The following RASGRF2 variants were observed in gnomAD, a reference collection of about 807,000 sequenced individuals.
RASGRF2 encodes Ras protein specific guanine nucleotide releasing factor 2.
A neutral mutation model predicts 151.0 loss-of-function variants in RASGRF2; 76 were observed. That is an observed-to-expected ratio of 0.50 (90% CI 0.42 to 0.61). RASGRF2 has a LOEUF of 0.61. Ranked by LOEUF, RASGRF2 falls within the 20% of genes least tolerant of loss-of-function variation. The pLI is 0.00. For missense variants in RASGRF2, 1,148 were observed against 1,564.6 expected (o/e 0.73, Z 4.49); for synonymous variants, 504 against 566.5 (o/e 0.89, Z 1.57).
In RASGRF2 at chr5:81,206,917, C is replaced by T; in HGVS notation, c.2967+12C>T. 1 of 1,584,638 alleles carries T rather than the reference C, an allele frequency of 6.3e-7. No homozygotes were observed. The highest frequency in any genetic ancestry group is 8.7e-7 in the Non-Finnish European group (1 of 1,153,632). Reference sequence around the variant, plus strand: ...ATATAATTCAAATGGTAAGTCTGACCACATTTTTATCTAGCACAACTATGT... The same window carrying T: ...ATATAATTCAAATGGTAAGTCTGACTACATTTTTATCTAGCACAACTATGT... On this transcript the variant is annotated intron_variant, in intron 20 of 26. Transcript: ENST00000265080.
intron 1 of RASGRF2, among the ~76,000 whole-genome samples, chr5:81,004,867 C>T (rs1357468290): frequency 3.3e-5 from 5 of 152,140 alleles, no homozygotes; most frequent in East Asian, 1.9e-4. Context: ...CTCAATGTGA[C>T]GTTATCAGTA....
At chr5:81,191,232 C>G (rs1000251109) in intron 18 of RASGRF2, among the ~76,000 whole-genome samples, 1 of 152,186 alleles carries the variant, frequency 6.6e-6, no homozygotes, top group Non-Finnish European at 1.5e-5. Context: ...CTCTGCCTTG[C>G]TTGTTGCCTT....
chr5:81,203,412 T>C (rs1350311472), intron 19 of RASGRF2, among the ~76,000 whole-genome samples: 3 of 152,240 alleles, frequency 2.0e-5, no homozygotes, highest in Non-Finnish European at 4.4e-5. Flanking sequence ...GCTTTCTCTC[T>C]GCACCAAGAG....
chr5:80,987,967 C>T (rs1364768583), intron 1 of RASGRF2, among the ~76,000 whole-genome samples: 1 of 128,960 alleles, frequency 7.8e-6, no homozygotes, highest in Non-Finnish European at 1.6e-5. Context: ...ATTTGTACCA[C>T]ATTATCATCT....
chr5:81,139,665 C>G (rs12659839), intron 17 of RASGRF2, among the ~76,000 whole-genome samples: 8,431 of 151,932 alleles, frequency 0.055, 345 homozygotes, highest in East Asian at 0.15. Flanking sequence ...CTTTGAAGTC[C>G]TTGTCAAGCA....
At chr5:81,088,628 A>G (rs538383573) in intron 9 of RASGRF2, 37 of 152,294 alleles carry the variant, frequency 2.4e-4, no homozygotes, top group African/African-American at 8.9e-4. Flanking sequence ...GAAAATGTCT[A>G]CTAATTGACT....
At chr5:81,208,329 T>C (rs767244278) in intron 21 of RASGRF2, 25 bp from the exon 22 acceptor site, 1 of 1,599,916 alleles carries the variant, frequency 6.3e-7, no homozygotes, top group Non-Finnish European at 8.6e-7. Flanking sequence ...CTTAATTGGT[T>C]TTGTGTTTTG....
chr5:81,211,553 A>G (rs1157405949), intron 22 of RASGRF2, among the ~76,000 whole-genome samples: 1 of 152,264 alleles, frequency 6.6e-6, no homozygotes, highest in Admixed American at 6.5e-5. Flanking sequence ...GCACTGCAGT[A>G]GGTGCTTTAG....
intron 18 of RASGRF2, among the ~76,000 whole-genome samples, chr5:81,193,572 A>G (rs1276310239): frequency 6.6e-6 from 1 of 151,858 alleles, no homozygotes; most frequent in African/African-American, 2.4e-5. Flanking sequence ...CTGGAGTGCA[A>G]TGGCACGATC....
intron 9 of RASGRF2, chr5:81,087,564 G>A: frequency 5.2e-6 from 3 of 572,046 alleles, no homozygotes; most frequent in Non-Finnish European, 9.3e-6. Context: ...CTTTTGAAGA[G>A]TTGAAGATAT....
intron 1 of RASGRF2, among the ~76,000 whole-genome samples, chr5:81,037,169 C>T (rs1293127047): frequency 6.6e-6 from 1 of 152,172 alleles, no homozygotes; most frequent in Non-Finnish European, 1.5e-5. Context: ...TCAATTATCT[C>T]TCACCAGGTC....
At chr5:81,200,693 C>T (rs1388011601) in intron 18 of RASGRF2, among the ~76,000 whole-genome samples, 1 of 152,180 alleles carries the variant, frequency 6.6e-6, no homozygotes, top group Non-Finnish European at 1.5e-5. Context: ...TAAATTGGCC[C>T]TTTCAATGGA....
At chr5:81,024,622 T>A (rs895989017) in intron 1 of RASGRF2, among the ~76,000 whole-genome samples, 17 of 152,130 alleles carry the variant, frequency 1.1e-4, no homozygotes, top group African/African-American at 4.1e-4. Context: ...ATAACTGTCA[T>A]ACGGAATAAG....
chr5:81,174,129 A>C (rs1350175047), intron 17 of RASGRF2, among the ~76,000 whole-genome samples: 1 of 152,222 alleles, frequency 6.6e-6, no homozygotes, highest in African/African-American at 2.4e-5. Flanking sequence ...TATTGACTGA[A>C]TGAGAAAAAC....
intron 17 of RASGRF2, among the ~76,000 whole-genome samples, chr5:81,162,474 A>C (rs1462801984): frequency 2.0e-5 from 3 of 152,128 alleles, no homozygotes; most frequent in Admixed American, 2.0e-4. Flanking sequence ...TAGCATCATG[A>C]GTAGCTGGGA....
Position 80,996,521 on chromosome 5 carries a change from C to CTTCTTCTT in RASGRF2, c.288+35495_288+35496insTTCTTCTT, listed in dbSNP as rs1561544850. ...TTCTTCTTCCTCCTCCTCCTCCTCC[C>CTTCTTCTT]CCTCCTCCTCCTCCCCCTCCTCCTC... is the stretch of plus-strand genomic sequence containing the variant. On this transcript the variant is annotated intron_variant, in intron 1 of 26. Coordinates refer to ENST00000265080, the MANE Select transcript of RASGRF2 (RefSeq NM_006909.3). Among the ~76,000 whole-genome samples, 139 of 24,688 alleles carry CTTCTTCTT rather than the reference C, an allele frequency of 5.6e-3. 9 individuals are homozygous for CTTCTTCTT. The highest frequency in any genetic ancestry group is 0.01 in the South Asian group (5 of 500). 16.2% of individuals were successfully genotyped at this position (24,688 alleles called of 152,430 possible). A position where few individuals can be genotyped will look rare whatever the true frequency, so the allele number is the denominator to read the frequency against.
chr5:81,047,460 G>C (rs1193574686), intron 2 of RASGRF2, among the ~76,000 whole-genome samples: 3 of 152,204 alleles, frequency 2.0e-5, no homozygotes, highest in Non-Finnish European at 4.4e-5. Flanking sequence ...GTTTGAAACT[G>C]TCCCACTATC....
intron 5 of RASGRF2, among the ~76,000 whole-genome samples, chr5:81,078,731 C>T (rs1013512213): frequency 2.6e-5 from 4 of 152,246 alleles, no homozygotes; most frequent in Non-Finnish European, 4.4e-5. Context: ...GTTTTCTAAC[C>T]ATCCAGGTAT....
At chr5:81,163,079 T>C (rs1754425144) in intron 17 of RASGRF2, among the ~76,000 whole-genome samples, 1 of 152,130 alleles carries the variant, frequency 6.6e-6, no homozygotes, top group Admixed American at 6.5e-5. Flanking sequence ...ATCAGGAAGC[T>C]GCCGCTGCCC....
Sources: allele counts gnomAD v4.1 joint callset (sites outside exome capture counted in the v4.1 genomes callset), GRCh38; gene constraint gnomAD v4.1.1; transcripts MANE v1.5; gene names NCBI Gene and HGNC (gene_info 2026-07-23, HGNC 2026-07-21).